WAS: variants seen among roughly 807,000 people sequenced by gnomAD.
WAS encodes the protein actin nucleation-promoting factor WAS.
Under a neutral mutation model 38.9 loss-of-function variants are expected in WAS, and 1 was observed. The observed-to-expected ratio is 0.03, with a 90% CI of 0.01 to 0.12. The LOEUF (loss-of-function observed/expected upper bound fraction) is 0.12, where lower values mean the gene tolerates loss of function less well. WAS is among the 10% of genes least tolerant of loss of function. The pLI, the probability that WAS is intolerant of heterozygous loss-of-function variation, is 1.00. For missense variants in WAS, 311 were observed against 431.2 expected, an observed-to-expected ratio of 0.72 and a Z score of 2.47; for synonymous variants, 182 against 173.6, an observed-to-expected ratio of 1.05 and a Z score of -0.38.
intron 11 of WAS, among the ~76,000 whole-genome samples, chrX:48,690,821 A>G (rs2062437439): frequency 9.0e-6 from 1 of 111,699 alleles, no homozygotes; most frequent in South Asian, 3.7e-4. Flanking sequence ...ATATTATCAC[A>G]CCTTTGCTAA....
chrX:48,685,109 A>G, intron 2 of WAS, among the ~76,000 whole-genome samples: 1 of 110,606 alleles, frequency 9.0e-6, no homozygotes, highest in Non-Finnish European at 1.9e-5. Flanking sequence ...CCCAAATTGC[A>G]CTTACTTTAG....
chrX:48,686,047 C>T, intron 5 of WAS, 34 bp from the exon 6 acceptor site: 1 of 1,210,940 alleles, frequency 8.3e-7, no homozygotes. Flanking sequence ...TGTGGCAGGG[C>T]TGTGATAACT....
chrX:48,689,113 GT>G, intron 10 of WAS, 47 bp downstream of exon 10: 1 of 1,155,617 alleles, frequency 8.7e-7, no homozygotes, highest in Non-Finnish European at 1.2e-6. Context: ...ACTCTGGGGT[GT>G]CCCGTCTAAG....
intron 7 of WAS, 129 bp downstream of exon 7, chrX:48,687,084 T>C: frequency 1.1e-6 from 1 of 882,261 alleles, no homozygotes; most frequent in Admixed American, 2.6e-5. Flanking sequence ...GGTAAATGGG[T>C]GGTTGGATAG....
chrX:48,681,688 T>C (rs782041956), upstream of WAS, among the ~76,000 whole-genome samples: 3 of 112,510 alleles, frequency 2.7e-5, no homozygotes, highest in Non-Finnish European at 5.6e-5. Context: ...ACACGTGCAA[T>C]GGCCTTGAAG....
At chrX:48,686,052 A>G (rs782587623) in intron 5 of WAS, 29 bp from the exon 6 acceptor site, 1 of 1,210,049 alleles carries the variant, frequency 8.3e-7, no homozygotes, top group African/African-American at 1.7e-5. Flanking sequence ...CAGGGCTGTG[A>G]TAACTCTCTA....
upstream of WAS, among the ~76,000 whole-genome samples, chrX:48,680,430 C>T (rs2062398505): frequency 9.0e-6 from 1 of 110,839 alleles, no homozygotes; most frequent in Non-Finnish European, 1.9e-5. Flanking sequence ...GTTAGGCATT[C>T]TAAGTCACAG....
At chrX:48,677,649 C>G (rs1557005368) in intron 1 of WAS, among the ~76,000 whole-genome samples, 2 of 112,007 alleles carry the variant, frequency 1.8e-5, no homozygotes, top group East Asian at 5.6e-4. Context: ...GCGTCATTGA[C>G]TCTACAGATG....
intron 11 of WAS, 142 bp downstream of exon 11, chrX:48,689,576 T>C (rs2062433278): frequency 1.9e-6 from 1 of 527,848 alleles, no homozygotes; most frequent in Non-Finnish European, 3.3e-6. Flanking sequence ...AGCCTCGTTT[T>C]TGACAATGTT....
At chrX:48,679,200 T>C (rs192629219), upstream of WAS, among the ~76,000 whole-genome samples, 5 of 109,832 alleles carry the variant, frequency 4.6e-5, no homozygotes, top group Admixed American at 4.8e-4. Context: ...TTTAAAAAAC[T>C]TTTTGTAGAG....
At chrX:48,680,169 A>G (rs1557005612), upstream of WAS, among the ~76,000 whole-genome samples, 1 of 111,805 alleles carries the variant, frequency 8.9e-6, no homozygotes, top group Non-Finnish European at 1.9e-5. Flanking sequence ...TGGCTCAGTT[A>G]TGACTGAGCT....
At position 48,683,988 on chromosome X, in the gene WAS, G is replaced by A; in HGVS notation, c.132+3G>A. On this transcript the variant is annotated splice_donor_region_variant and intron_variant, in intron 1 of 11. Coordinates refer to ENST00000376701, the MANE Select transcript of WAS (RefSeq NM_000377.3). ...AGATGCTTGGACGAAAATGCTTGGTGAGCTGGGGATCTCCTGCCCCCGCCC... is the reference window on the plus strand; with the variant it reads ...AGATGCTTGGACGAAAATGCTTGGTAAGCTGGGGATCTCCTGCCCCCGCCC... 1.7e-6 allele frequency: 2 copies of A among 1,210,958 alleles called. No homozygotes were observed. Among genetic ancestry groups the A allele is most frequent in the Non-Finnish European group, 2.2e-6 (2 of 895,267 alleles).
chrX:48,689,048 G>A lies in WAS; in HGVS notation c.1320G>A (p.Gln440=), dbSNP rs782003647. 1 of 1,204,229 alleles carries A rather than the reference G, an allele frequency of 8.3e-7. No homozygotes were observed. Among genetic ancestry groups the A allele is most frequent in the Non-Finnish European group, 1.1e-6 (1 of 894,880 alleles). ...GAGCGCTTTTGGATCAAATCCGGCA[G>A]GGAATTCAGCTGAACAAGGTGAGGA... ...GRGALLDQIR[Q]GIQLNKTPGA... The change falls in exon 10 of 12, where the codon CAG becomes CAA. Residue 440 remains glutamine, a synonymous_variant. Transcript: ENST00000376701.
upstream of WAS, among the ~76,000 whole-genome samples, chrX:48,682,497 A>G (rs1196406954): frequency 8.9e-6 from 1 of 112,358 alleles, no homozygotes; most frequent in Non-Finnish European, 1.9e-5. Context: ...AGTGGGGAGA[A>G]AGCAAGCCTT....
At chrX:48,678,428 C>T (rs782559054) in intron 1 of WAS, among the ~76,000 whole-genome samples, 15 of 111,303 alleles carry the variant, frequency 1.3e-4, no homozygotes, top group African/African-American at 4.6e-4. Flanking sequence ...CTACTCTGGG[C>T]TTGGGGTGTG....
In WAS at chrX:48,689,080, G is replaced by T. The variant is rs1557007362; in HGVS notation, c.1338+14G>T. 3 of 1,193,178 alleles carry T rather than the reference G, an allele frequency of 2.5e-6. No homozygotes were observed. Among genetic ancestry groups the T allele is most frequent in the Non-Finnish European group, 3.4e-6 (3 of 887,172 alleles). On this transcript the variant is annotated intron_variant, in intron 10 of 11. Coordinates refer to ENST00000376701, the MANE Select transcript of WAS (RefSeq NM_000377.3). ...CAGCTGAACAAGGTGAGGACAGGCA[G>T]GATGGAGGATTGGGGGTCTAGGACT...
At chrX:48,686,415 T>C (rs894243106) in intron 6 of WAS, among the ~76,000 whole-genome samples, 1 of 111,908 alleles carries the variant, frequency 8.9e-6, no homozygotes, top group Non-Finnish European at 1.9e-5. Flanking sequence ...GATGGATGAC[T>C]GAGTAAATTA....
At chrX:48,681,681 C>T (rs782319413), upstream of WAS, among the ~76,000 whole-genome samples, 2 of 112,571 alleles carry the variant, frequency 1.8e-5, no homozygotes, top group South Asian at 3.6e-4. Context: ...ACAATGAACA[C>T]GTGCAATGGC....
intron 6 of WAS, 146 bp from the exon 7 acceptor site, chrX:48,686,635 A>G (rs2062420786): frequency 1.6e-6 from 1 of 619,298 alleles, no homozygotes; most frequent in African/African-American, 2.2e-5. Flanking sequence ...CCACTTCTCC[A>G]TAGACCCTAC....
Sources: gnomAD v4.1 joint callset for allele counts (sites outside exome capture counted in the v4.1 genomes callset) on GRCh38, gnomAD v4.1.1 for gene constraint, MANE v1.5 for transcripts, NCBI Gene and HGNC (gene_info 2026-07-23, HGNC 2026-07-21) for gene names.